NRXN3: variants seen among roughly 807,000 people sequenced by gnomAD.
NRXN3 encodes the protein neurexin III.
A neutral mutation model predicts 137.6 loss-of-function variants in NRXN3; 32 were observed. That is an observed-to-expected ratio of 0.23 (90% CI 0.18 to 0.31). NRXN3 has a LOEUF of 0.31. Ranked by LOEUF, NRXN3 falls within the 10% of genes least tolerant of loss-of-function variation. The pLI, the probability that NRXN3 is intolerant of heterozygous loss-of-function variation, is 1.00. For synonymous variants in NRXN3, 798 were observed against 784.5 expected (o/e 1.02, Z -0.29); for missense variants, 1,574 against 2,062.5 (o/e 0.76, Z 4.59).
intron 15 of NRXN3, among the ~76,000 whole-genome samples, chr14:79,035,428 T>C (rs1454520729): frequency 2.6e-5 from 4 of 152,094 alleles, no homozygotes; most frequent in Admixed American, 2.6e-4. Context: ...GTATCTGATA[T>C]TCTCCTTTGA....
intron 4 of NRXN3, among the ~76,000 whole-genome samples, chr14:78,548,640 G>A (rs902935609): frequency 6.6e-6 from 1 of 152,132 alleles, no homozygotes; most frequent in African/African-American, 2.4e-5. Flanking sequence ...CTTTTTACCT[G>A]TTCTACACTG....
chr14:79,203,580 G>A (rs1169767911), intron 15 of NRXN3, among the ~76,000 whole-genome samples: 2 of 152,136 alleles, frequency 1.3e-5, no homozygotes, highest in African/African-American at 4.8e-5. Context: ...GATTTCCTGT[G>A]ATAGCATTTT....
At chr14:78,601,753 C>G (rs1182797144) in intron 4 of NRXN3, among the ~76,000 whole-genome samples, 1 of 152,176 alleles carries the variant, frequency 6.6e-6, no homozygotes, top group South Asian at 2.1e-4. Context: ...TGTGCCTGGC[C>G]TTGATTCTTT....
intron 4 of NRXN3, among the ~76,000 whole-genome samples, chr14:78,603,766 G>A (rs2097221348): frequency 6.6e-6 from 1 of 152,134 alleles, no homozygotes; most frequent in Non-Finnish European, 1.5e-5. Flanking sequence ...GATGGACAGT[G>A]TCAAGGATCA....
chr14:78,669,293 A>G (rs1286979391), intron 6 of NRXN3, among the ~76,000 whole-genome samples: 2 of 152,060 alleles, frequency 1.3e-5, no homozygotes, highest in African/African-American at 4.8e-5. Flanking sequence ...TAGTAATAGT[A>G]TTGTTCCCGG....
chr14:78,530,723 G>C (rs975722420), intron 4 of NRXN3, among the ~76,000 whole-genome samples: 1 of 152,188 alleles, frequency 6.6e-6, no homozygotes, highest in Non-Finnish European at 1.5e-5. Context: ...ACTCTGCCAA[G>C]ATTTTTCTAG....
At chr14:79,212,067 TG>T (rs1346036081) in intron 15 of NRXN3, among the ~76,000 whole-genome samples, 5 of 152,198 alleles carry the variant, frequency 3.3e-5, no homozygotes, top group Non-Finnish European at 1.5e-5. Flanking sequence ...CAACTTCCTG[TG>T]CATGTTCAGG....
At chr14:79,463,883 C>T (rs944961832) in intron 15 of NRXN3, among the ~76,000 whole-genome samples, 5 of 151,982 alleles carry the variant, frequency 3.3e-5, no homozygotes, top group Admixed American at 1.3e-4. Flanking sequence ...TCTTATAGTT[C>T]CCAGGATTTT....
At chr14:78,331,485 G>A (rs1213568091) in intron 4 of NRXN3, among the ~76,000 whole-genome samples, 2 of 152,212 alleles carry the variant, frequency 1.3e-5, no homozygotes, top group Non-Finnish European at 1.5e-5. Flanking sequence ...AAAGCATCAT[G>A]GGGGCAGAGA....
chr14:78,966,109 T>C lies in NRXN3; in HGVS notation c.2480T>C (p.Val827Ala). ...ACTGAGAAACGCTACATCTCCGTTG[T>C]CCCCTCCAGCTTTATTGGCCATCTG... The part of the protein sequence containing the change: ...IMTEKRYISV[V>A]PSSFIGHLQS... Residue 827 changes from valine (V) to alanine (A), a missense_variant, in exon 12 of 21, where the codon GTC (valine) becomes GCC (alanine). Physicochemically the swap from Val to Ala is moderately conservative, Grantham distance 64 (BLOSUM62 0). Transcript: ENST00000335750. 6.2e-7 allele frequency: 1 copy of C among 1,614,170 alleles called. No homozygotes were observed. Among genetic ancestry groups the C allele is most frequent in the South Asian group, 1.1e-5 (1 of 91,078 alleles).
At chr14:79,555,178 G>T (rs984235005) in intron 16 of NRXN3, among the ~76,000 whole-genome samples, 5 of 152,004 alleles carry the variant, frequency 3.3e-5, no homozygotes, top group Non-Finnish European at 7.4e-5. Context: ...GCTGAGATCT[G>T]AATGGGTGGA....
At chr14:79,608,805 T>TA (rs2098059277) in intron 16 of NRXN3, among the ~76,000 whole-genome samples, 1 of 151,886 alleles carries the variant, frequency 6.6e-6, no homozygotes, top group African/African-American at 2.4e-5. Flanking sequence ...TGCATATACT[T>TA]AAAAAACCCC....
rs56991488 is a variant in NRXN3, at chr14:78,692,761, C to T, written c.1222-16456C>T. ...ATTATGGCATCTTATAGAATTGTTGCGATAATTTCAGATAGTCTAAATATA... is the reference window on the plus strand; with the variant it reads ...ATTATGGCATCTTATAGAATTGTTGTGATAATTTCAGATAGTCTAAATATA... On this transcript the variant is annotated intron_variant, in intron 6 of 20. Coordinates refer to ENST00000335750, the MANE Select transcript of NRXN3 (RefSeq NM_001330195.2). Among the ~76,000 whole-genome samples the T allele has an allele frequency of 2.9e-3, 443 of 152,162 alleles. 1 individual carries two copies. The highest frequency in any genetic ancestry group is 0.01 in the African/African-American group (431 of 41,498).
chr14:78,787,820 G>T (rs1227161502), intron 8 of NRXN3, among the ~76,000 whole-genome samples: 4 of 152,138 alleles, frequency 2.6e-5, no homozygotes, highest in African/African-American at 9.7e-5. Context: ...AAATATAAAA[G>T]ATTTAACTTT....
chr14:79,463,594 C>T (rs1307609414), intron 15 of NRXN3, among the ~76,000 whole-genome samples: 1 of 152,142 alleles, frequency 6.6e-6, no homozygotes, highest in Non-Finnish European at 1.5e-5. Flanking sequence ...TAAAACTCAG[C>T]AAAGCAACCT....
At chr14:78,633,251 C>CAAAAAAAAAAAAAAAAAAAAAAAAA (rs779442429) in intron 4 of NRXN3, among the ~76,000 whole-genome samples, 1 of 68,056 alleles carries the variant, frequency 1.5e-5, no homozygotes, top group African/African-American at 7.1e-5. Flanking sequence ...GAGACTCTGT[C>CAAAAAAAAAAAAAAAAAAAAAAAAA]AAAAAAAAAA....
At chr14:79,448,754 T>C (rs1490038063) in intron 15 of NRXN3, among the ~76,000 whole-genome samples, 1 of 152,186 alleles carries the variant, frequency 6.6e-6, no homozygotes, top group Non-Finnish European at 1.5e-5. Flanking sequence ...TGTATATACA[T>C]ACACACATAC....
intron 2 of NRXN3, among the ~76,000 whole-genome samples, chr14:78,253,642 T>C (rs531321206): frequency 1.3e-5 from 2 of 151,906 alleles, no homozygotes; most frequent in South Asian, 4.2e-4. Flanking sequence ...ACCACTGTAC[T>C]CTAGCCTGGG....
At chr14:78,233,688 C>CGA in intron 1 of NRXN3, among the ~76,000 whole-genome samples, 1 of 117,626 alleles carries the variant, frequency 8.5e-6, no homozygotes, top group African/African-American at 3.2e-5. Context: ...AAGTATGCTT[C>CGA]AAAAAAAAAA....
Sources: allele counts gnomAD v4.1 joint callset (sites outside exome capture counted in the v4.1 genomes callset), GRCh38; gene constraint gnomAD v4.1.1; transcripts MANE v1.5; gene names NCBI Gene and HGNC (gene_info 2026-07-23, HGNC 2026-07-21).